Variants in PFKP observed in about 807,000 individuals in gnomAD.
PFKP encodes phosphofructokinase, platelet.
A neutral mutation model predicts 94.3 loss-of-function variants in PFKP; 101 were observed. The ratio of observed to expected loss-of-function variants is 1.07; its 90% confidence interval spans 0.91 to 1.26. PFKP has a LOEUF of 1.26. PFKP is among the 50% of genes most tolerant of loss of function. The pLI, the probability that PFKP is intolerant of heterozygous loss-of-function variation, is 0.00. For synonymous variants in PFKP, 573 were observed against 432.6 expected, an observed-to-expected ratio of 1.32 and a Z score of -4.03; for missense variants, 1,145 against 1,103.3, an observed-to-expected ratio of 1.04 and a Z score of -0.53.
chr10:3,093,707 A>G (rs371756655), intron 2 of PFKP, among the ~76,000 whole-genome samples: 62 of 135,874 alleles, frequency 4.6e-4, no homozygotes, highest in Middle Eastern at 4.4e-3. Flanking sequence ...GCAGTGGCGC[A>G]ATCTCAGCTC....
intron 17 of PFKP, among the ~76,000 whole-genome samples, chr10:3,131,100 TTTTTATAATATATA>T (rs1222531889): frequency 6.6e-6 from 1 of 151,982 alleles, no homozygotes; most frequent in Non-Finnish European, 1.5e-5. Context: ...TTTACATATA[TTTTTATAATATATA>T]TTTTATAAAA....
intron 1 of PFKP, among the ~76,000 whole-genome samples, chr10:3,070,750 A>T (rs1440725946): frequency 6.6e-6 from 1 of 152,064 alleles, no homozygotes. Flanking sequence ...GACCACGAAG[A>T]GTACTTATGT....
chr10:3,124,086 A>G (rs1837694384), intron 16 of PFKP, among the ~76,000 whole-genome samples: 1 of 141,972 alleles, frequency 7.0e-6, no homozygotes, highest in South Asian at 2.3e-4. Flanking sequence ...CTCGGCCCAC[A>G]CGGGCTCCAG....
intron 1 of PFKP, chr10:3,069,416 G>T: frequency 6.4e-7 from 1 of 1,571,678 alleles, no homozygotes; most frequent in Non-Finnish European, 8.6e-7. Flanking sequence ...CTTGGGGTCG[G>T]GATAGGACCC....
intron 16 of PFKP, among the ~76,000 whole-genome samples, chr10:3,127,168 TGAG>T (rs781584769): frequency 7.2e-5 from 11 of 152,248 alleles, no homozygotes; most frequent in African/African-American, 2.2e-4. Context: ...ATCTAGGTAA[TGAG>T]GAGAGAGTTC....
At chr10:3,087,984 C>CTTTTTT (rs1224829610) in intron 2 of PFKP, among the ~76,000 whole-genome samples, 1,565 of 96,262 alleles carry the variant, frequency 0.016, 74 homozygotes, top group African/African-American at 0.054. Context: ...ATCTTTCATT[C>CTTTTTT]TTTTTTTTTT....
intron 16 of PFKP, among the ~76,000 whole-genome samples, chr10:3,125,741 T>C (rs1218904625): frequency 6.6e-6 from 1 of 152,234 alleles, no homozygotes. Context: ...CACCAACATG[T>C]GCCTTGGGAG....
chr10:3,070,571 C>G (rs1564253520), intron 1 of PFKP, among the ~76,000 whole-genome samples: 1 of 152,196 alleles, frequency 6.6e-6, no homozygotes, highest in Non-Finnish European at 1.5e-5. Context: ...GAGCTTTACA[C>G]TTCTTATCTC....
At chr10:3,089,847 C>T (rs185580860) in intron 2 of PFKP, among the ~76,000 whole-genome samples, 51 of 152,122 alleles carry the variant, frequency 3.4e-4, no homozygotes, top group African/African-American at 1.2e-3. Flanking sequence ...TACCCATTAA[C>T]CATCCTTCTT....
rs762643197 is a variant in PFKP, at chr10:3,101,478, C to G, written c.378C>G (p.Gly126=). 5 of 1,604,994 alleles carry G rather than the reference C, an allele frequency of 3.1e-6. No individual in the cohort carries two copies. The highest frequency in any genetic ancestry group is 4.3e-6 in the Non-Finnish European group (5 of 1,175,480). The change falls in exon 4 of 22, where the codon GGC becomes GGG. Residue 126 remains glycine (G), a synonymous_variant. Transcript: ENST00000381125. ...QRGITNLCVI[G]GDGSLTGANL... The stretch of plus-strand genomic sequence containing the variant: ...GCATCACCAACCTGTGTGTGATCGG[C>G]GGGGACGGGAGCCTCACCGGGGCCA...
chr10:3,113,047 CT>C, intron 11 of PFKP, 71 bp from the exon 12 acceptor site: 1 of 1,417,928 alleles, frequency 7.1e-7, no homozygotes. Context: ...GATAAGCCAC[CT>C]TTTCTCCACA....
Position 3,103,945 on chromosome 10 carries a change from G to A in PFKP, c.620+1G>A. 1 of 1,613,160 alleles carries A rather than the reference G, an allele frequency of 6.2e-7. No homozygotes were observed. The highest frequency in any genetic ancestry group is 8.5e-7 in the Non-Finnish European group (1 of 1,179,920). ...ACGCCATCATGACCACGGCCCAGAG[G>A]TAAAGCGCTCAGAGGAACCGGCGGG... On this transcript the variant is annotated splice_donor_variant, in intron 5 of 21. Transcript: ENST00000381125. LOFTEE classifies it high-confidence loss of function.
chr10:3,115,701 G>A (rs115746609), intron 13 of PFKP, among the ~76,000 whole-genome samples: 2,226 of 152,302 alleles, frequency 0.015, 43 homozygotes, highest in African/African-American at 0.05. Context: ...GCGTCTCCAC[G>A]TAGTTAAAGA....
intron 4 of PFKP, among the ~76,000 whole-genome samples, chr10:3,103,124 G>A (rs528220155): frequency 2.0e-5 from 3 of 152,346 alleles, no homozygotes; most frequent in South Asian, 4.1e-4. Flanking sequence ...TCTTAATTCC[G>A]TAATTGTAAC....
rs544304598 is a variant in PFKP, at chr10:3,103,936, G to A, written c.612G>A (p.Thr204=). ...IIEVVDAIMT[T]AQSHQRTFVL... ...AGGTCGTCGACGCCATCATGACCAC[G>A]GCCCAGAGGTAAAGCGCTCAGAGGA... Residue 204 remains threonine, a synonymous_variant, in exon 5 of 22, where the codon ACG becomes ACA. Transcript: ENST00000381125. 2.3e-5 allele frequency: 37 copies of A among 1,613,486 alleles called. No homozygotes were observed. Among genetic ancestry groups the A allele is most frequent in the East Asian group, 1.8e-4 (8 of 44,856 alleles).
intron 5 of PFKP, 91 bp from the exon 6 acceptor site, chr10:3,105,024 C>T (rs866721569): frequency 2.4e-6 from 3 of 1,242,374 alleles, no homozygotes; most frequent in Non-Finnish European, 1.2e-6. Context: ...CTTTTCTCTG[C>T]TTTCTGAGCT....
In PFKP at chr10:3,109,475, C is replaced by T; in HGVS notation, c.1084C>T (p.Gln362Ter). 1 of 1,604,384 alleles carries T rather than the reference C, an allele frequency of 6.2e-7. No individual in the cohort carries two copies. Among genetic ancestry groups the T allele is most frequent in the Non-Finnish European group, 8.5e-7 (1 of 1,179,702 alleles). ...AVRLPLMECV[Q>*]MTQDVQKAMD... ...GCGCCTGCCGCTGATGGAGTGCGTGCAGATGGTGAGTGGGCAGCCCATGGC... is the reference window on the plus strand; with the variant it reads ...GCGCCTGCCGCTGATGGAGTGCGTGTAGATGGTGAGTGGGCAGCCCATGGC... Residue 362 changes from glutamine (Q) to a stop codon, truncating the protein, a stop_gained, in exon 10 of 22, where the codon CAG becomes TAG. Transcript: ENST00000381125. LOFTEE classifies it high-confidence loss of function.
chr10:3,100,982 T>G (rs190906331), intron 3 of PFKP: 246 of 1,612,284 alleles, frequency 1.5e-4, no homozygotes, highest in Non-Finnish European at 1.9e-4. Flanking sequence ...TCCCTTGTCC[T>G]GGCCGGCATG....
At chr10:3,073,983 A>G (rs942217645) in intron 1 of PFKP, among the ~76,000 whole-genome samples, 2 of 152,102 alleles carry the variant, frequency 1.3e-5, no homozygotes, top group African/African-American at 2.4e-5. Flanking sequence ...GATTACAGGC[A>G]TGCGCCACCA....
Sources: gnomAD v4.1 joint callset for allele counts (sites outside exome capture counted in the v4.1 genomes callset) on GRCh38, gnomAD v4.1.1 for gene constraint, MANE v1.5 for transcripts, NCBI Gene and HGNC (gene_info 2026-07-23, HGNC 2026-07-21) for gene names.